The following LAMA1 variants were observed in gnomAD, a reference collection of about 807,000 sequenced individuals.
The protein encoded by LAMA1 is laminin subunit alpha-1.
In LAMA1, 219 loss-of-function variants were observed where a neutral mutation model predicts 348.7. The observed-to-expected ratio is 0.63, with a 90% CI of 0.56 to 0.70. The LOEUF (loss-of-function observed/expected upper bound fraction) is 0.70. LAMA1 is among the 30% of genes least tolerant of loss of function. The pLI, the probability that LAMA1 is intolerant of heterozygous loss-of-function variation, is 0.00. For missense variants in LAMA1, 3,744 were observed against 3,888.0 expected (o/e 0.96, Z 0.99); for synonymous variants, 1,487 against 1,491.0 (o/e 1.00, Z 0.06).
intron 24 of LAMA1, 38 bp from the exon 25 acceptor site, chr18:7,011,517 G>A (rs2057860660): frequency 1.3e-6 from 2 of 1,560,450 alleles, no homozygotes; most frequent in Admixed American, 1.9e-5. Context: ...ACTTCAAAAT[G>A]CGAACTTTCC....
intron 3 of LAMA1, among the ~76,000 whole-genome samples, chr18:7,054,979 G>A (rs1269456978): frequency 2.0e-5 from 3 of 152,164 alleles, no homozygotes; most frequent in Non-Finnish European, 4.4e-5. Context: ...AACTGTTTAT[G>A]TTATCAGCAA....
chr18:7,055,253 C>A lies in LAMA1; in HGVS notation c.346-4317G>T, dbSNP rs967876307. Among the ~76,000 whole-genome samples the A allele has an allele frequency of 3.3e-4, 50 of 151,754 alleles. 1 individual carries two copies. The highest frequency in any genetic ancestry group is 3.0e-3 in the Admixed American group (45 of 15,222). On this transcript the variant is annotated intron_variant, in intron 3 of 62. Transcript: ENST00000389658. ...ATCACTCGAGGTCAGGAGTTCGAGACCAGCCTGGCCAACATGGTGAAACCC... is the reference window on the plus strand; with the variant it reads ...ATCACTCGAGGTCAGGAGTTCGAGAACAGCCTGGCCAACATGGTGAAACCC...
intron 3 of LAMA1, among the ~76,000 whole-genome samples, chr18:7,074,931 T>C (rs2058160673): frequency 6.9e-6 from 1 of 144,966 alleles, no homozygotes; most frequent in Non-Finnish European, 1.5e-5. Context: ...TTTTCTTTAG[T>C]TTATCTTGCA....
intron 1 of LAMA1, among the ~76,000 whole-genome samples, chr18:7,098,692 G>C (rs1288365119): frequency 4.8e-4 from 71 of 147,276 alleles, no homozygotes; most frequent in Admixed American, 1.4e-3. Flanking sequence ...TCTCCGCCCG[G>C]CAGCCACCCC....
At chr18:7,028,154 C>G (rs1158087236) in intron 16 of LAMA1, among the ~76,000 whole-genome samples, 2 of 152,130 alleles carry the variant, frequency 1.3e-5, no homozygotes, top group African/African-American at 4.8e-5. Context: ...ACAACAGAAA[C>G]TCAAACTTCA....
chr18:7,026,073 C>G lies in LAMA1; in HGVS notation c.2308G>C (p.Glu770Gln). 2 of 1,611,474 alleles carry G rather than the reference C, an allele frequency of 1.2e-6. No individual in the cohort carries two copies. Among genetic ancestry groups the G allele is most frequent in the South Asian group, 2.2e-5 (2 of 90,476 alleles). Reference protein sequence around the residue: ...CAHNTTGVHCEQCLPGFYGEP... With the variant: ...CAHNTTGVHCQQCLPGFYGEP... Reference sequence around the variant, plus strand: ...CCGTAGAAGCCGGGCAAGCACTGCTCACAGTGGACGCCGGTGGTGTTGTGC... The same window carrying G: ...CCGTAGAAGCCGGGCAAGCACTGCTGACAGTGGACGCCGGTGGTGTTGTGC... The change falls in exon 17 of 63, where the codon GAG becomes CAG. Residue 770 changes from glutamate to glutamine, a missense_variant. By Grantham distance (29) the Glu-to-Gln change is conservative (BLOSUM62 2). This residue lies in a region of LAMA1 where 1,529 missense variants were observed against 1,689.4 expected (regional missense o/e 0.91). Transcript: ENST00000389658.
chr18:6,942,364 T>A, intron 62 of LAMA1, 125 bp from the exon 63 acceptor site: 1 of 1,015,776 alleles, frequency 9.8e-7, no homozygotes, highest in Non-Finnish European at 1.4e-6. Flanking sequence ...CTATCAAAAT[T>A]AGGAGAATAT....
intron 1 of LAMA1, among the ~76,000 whole-genome samples, chr18:7,114,858 T>C (rs1389528313): frequency 3.3e-5 from 5 of 152,240 alleles, no homozygotes; most frequent in Admixed American, 2.6e-4. Flanking sequence ...AAGCATTTTA[T>C]ATGAGTTTAT....
At chr18:7,078,088 C>A (rs1461147701) in intron 3 of LAMA1, among the ~76,000 whole-genome samples, 39 of 145,734 alleles carry the variant, frequency 2.7e-4, no homozygotes, top group South Asian at 1.7e-3. Context: ...AAACAAAAAA[C>A]AAAACACAAC....
Position 7,098,484 on chromosome 18 carries a change from A to C in LAMA1, c.62-18027T>G, listed in dbSNP as rs563757068. On this transcript the variant is annotated intron_variant, in intron 1 of 62. Coordinates refer to ENST00000389658, the MANE Select transcript of LAMA1 (RefSeq NM_005559.4). Reference sequence around the variant, plus strand: ...GCCGCCCATCGTCTAAGATGTGGGGAGCGCCTCTGCCCCGCCGCCCCGTCT... The same window carrying C: ...GCCGCCCATCGTCTAAGATGTGGGGCGCGCCTCTGCCCCGCCGCCCCGTCT... Among the ~76,000 whole-genome samples, 38 of 145,796 alleles carry C rather than the reference A, an allele frequency of 2.6e-4. No individual in the cohort carries two copies. In the South Asian group the frequency reaches 6.6e-3, roughly 25 times the overall value.
rs539712690 is a variant in LAMA1 at position 7,079,652 on chromosome 18, C to G, written c.345+323G>C. On this transcript the variant is annotated intron_variant, in intron 3 of 62. Transcript: ENST00000389658. Reference sequence around the variant, plus strand: ...GAAATACATGTGTTTTCCCCCTCTCCCTCCCCATGCATCTGTTGGCAGCCA... The same window carrying G: ...GAAATACATGTGTTTTCCCCCTCTCGCTCCCCATGCATCTGTTGGCAGCCA... The G allele has an allele frequency of 3.2e-4, 129 of 406,740 alleles. 2 individuals carry two copies. The highest frequency in any genetic ancestry group is 3.1e-3 in the South Asian group (127 of 41,532). 25.2% of individuals were successfully genotyped at this position (406,740 alleles called of 1,614,324 possible).
chr18:6,949,217 C>A lies in LAMA1; in HGVS notation c.8440G>T (p.Asp2814Tyr), dbSNP rs367927216. The change falls in exon 59 of 63, where the codon GAC (aspartate) becomes TAC (tyrosine). Residue 2814 changes from aspartate to tyrosine, a missense_variant. Asp to Tyr is a radical substitution (Grantham distance 160). Around this residue, in one of 3 missense-constraint regions of LAMA1, gnomAD observed 1,983 missense variants for 1,934.3 expected, o/e 1.03. Transcript: ENST00000389658. ...YVKRKGFITV[D>Y]GRESPMVTVV... ...GTCACCATGGGAGACTCTCGGCCGT[C>A]GACAGTTATGAAGCCTTTTCTTTTA... The A allele has an allele frequency of 9.3e-6, 15 of 1,614,162 alleles. No individual in the cohort carries two copies. Among genetic ancestry groups the A allele is most frequent in the Non-Finnish European group, 1.3e-5 (15 of 1,180,022 alleles).
At chr18:7,033,218 G>A in intron 14 of LAMA1, 123 bp from the exon 15 acceptor site, 1 of 731,880 alleles carries the variant, frequency 1.4e-6, no homozygotes, top group Non-Finnish European at 2.4e-6. Flanking sequence ...TGTAATCCCA[G>A]CACTTTGGGA....
At chr18:6,978,058 C>T in intron 43 of LAMA1, 138 bp downstream of exon 43, 1 of 1,341,068 alleles carries the variant, frequency 7.5e-7, no homozygotes, top group Non-Finnish European at 1.1e-6. Context: ...AGGTCCTTCT[C>T]TTAATAAAGG....
chr18:7,087,400 G>A (rs2058222127), intron 1 of LAMA1, among the ~76,000 whole-genome samples: 1 of 152,212 alleles, frequency 6.6e-6, no homozygotes, highest in South Asian at 2.1e-4. Flanking sequence ...AGAAACAGAT[G>A]ATGCTCCACG....
At chr18:7,087,142 T>G (rs943501433) in intron 1 of LAMA1, among the ~76,000 whole-genome samples, 2 of 152,198 alleles carry the variant, frequency 1.3e-5, no homozygotes, top group African/African-American at 4.8e-5. Context: ...CTGTAATGAC[T>G]TCAGAAAGAT....
chr18:7,107,274 A>C (rs142762994), intron 1 of LAMA1, among the ~76,000 whole-genome samples: 2,434 of 151,874 alleles, frequency 0.016, 22 homozygotes, highest in Non-Finnish European at 0.024. Context: ...ACCCGCCACC[A>C]CGCCCGGCTA....
At chr18:7,083,021 G>A (rs6506473) in intron 1 of LAMA1, among the ~76,000 whole-genome samples, 72,847 of 151,726 alleles carry the variant, frequency 0.48, 18,277 homozygotes, top group East Asian at 0.85. Flanking sequence ...ACCACACACT[G>A]TGTATGCTGG....
Position 7,116,765 on chromosome 18 carries a change from G to A in LAMA1, c.61+895C>T, listed in dbSNP as rs185581346. Among the ~76,000 whole-genome samples the A allele has an allele frequency of 3.1e-3, 468 of 152,290 alleles. 2 individuals carry two copies. The highest frequency in any genetic ancestry group is 6.8e-3 in the Middle Eastern group (2 of 294). ...GTGACTAGGGTTGTCCCCCAAAAGG[G>A]AAAAGAATTCTTTCTTTCTTTTTCT... is the stretch of plus-strand genomic sequence containing the variant. On this transcript the variant is annotated intron_variant, in intron 1 of 62. Transcript: ENST00000389658.
Sources: allele counts gnomAD v4.1 joint callset (sites outside exome capture counted in the v4.1 genomes callset), GRCh38; gene constraint gnomAD v4.1.1; regional missense constraint gnomAD v4.1.1; transcripts MANE v1.5; gene names NCBI Gene and HGNC (gene_info 2026-07-23, HGNC 2026-07-21).